PRRC2C: variants seen among roughly 807,000 people sequenced by gnomAD.
PRRC2C encodes the protein protein PRRC2C.
In PRRC2C, 72 loss-of-function variants were observed where a neutral mutation model predicts 317.2. That is an observed-to-expected ratio of 0.23 (90% CI 0.19 to 0.28). The LOEUF is 0.28. Among genes scored for constraint, PRRC2C ranks in the 10% least tolerant of loss-of-function variants. PRRC2C has a pLI of 1.00. For missense variants in PRRC2C, 3,074 were observed against 3,459.7 expected (o/e 0.89, Z 2.80); for synonymous variants, 1,296 against 1,205.9 (o/e 1.07, Z -1.55).
At position 171,557,549 on chromosome 1, in the gene PRRC2C, G is replaced by T. The variant is rs1681697443; in HGVS notation, c.5437G>T (p.Ala1813Ser). The T allele has an allele frequency of 6.4e-7, 1 of 1,551,400 alleles. No individual in the cohort carries two copies. Among genetic ancestry groups the T allele is most frequent in the South Asian group, 1.2e-5 (1 of 84,042 alleles). Reference protein sequence around the residue: ...VPASPLAPVSASASVSASVPA... With the variant: ...VPASPLAPVSSSASVSASVPA... ...AGCCTCACCCTTAGCTCCAGTTTCAGCCTCAGCCTCAGTCTCAGCTTCAGT... is the reference window on the plus strand; with the variant it reads ...AGCCTCACCCTTAGCTCCAGTTTCATCCTCAGCCTCAGTCTCAGCTTCAGT... The change falls in exon 19 of 35, where the codon GCC becomes TCC. Residue 1813 changes from alanine to serine, a missense_variant. Coordinates refer to ENST00000647382, the MANE Select transcript of PRRC2C (RefSeq NM_001387844.1).
At chr1:171,515,371 A>G (rs1267312423) in intron 4 of PRRC2C, among the ~76,000 whole-genome samples, 2 of 152,224 alleles carry the variant, frequency 1.3e-5, no homozygotes, top group Non-Finnish European at 2.9e-5. Context: ...TTCATCAAAC[A>G]CTATTTCAGT....
At chr1:171,568,391 T>C in intron 23 of PRRC2C, 52 bp downstream of exon 23, 10 of 1,550,922 alleles carry the variant, frequency 6.4e-6, no homozygotes, top group Non-Finnish European at 8.7e-6. Flanking sequence ...CTGGCTATTA[T>C]TATCAAGCAC....
In PRRC2C at chr1:171,512,097, G is replaced by C. The variant is rs1671483525; in HGVS notation, c.9G>C (p.Glu3Asp). The part of the protein sequence containing the change: MS[E>D]KSGQSTKAKD... Reference sequence around the variant, plus strand: ...GATGAGTTTCCACCGAAATGTCGGAGAAGTCAGGCCAGAGCACAAAAGCAA... The same window carrying C: ...GATGAGTTTCCACCGAAATGTCGGACAAGTCAGGCCAGAGCACAAAAGCAA... The change falls in exon 2 of 35, where the codon GAG (glutamate) becomes GAC (aspartate). Residue 3 changes from glutamate to aspartate, a missense_variant. Around this residue, in one of 11 missense-constraint regions of PRRC2C, gnomAD observed 71 missense variants for 118.9 expected, o/e 0.60. Transcript: ENST00000647382. The C allele has an allele frequency of 6.4e-7, 1 of 1,564,594 alleles. No individual in the cohort carries two copies. Among genetic ancestry groups the C allele is most frequent in the African/African-American group, 1.4e-5 (1 of 73,704 alleles).
At chr1:171,529,706 G>A (rs1019786637) in intron 11 of PRRC2C, among the ~76,000 whole-genome samples, 10 of 152,236 alleles carry the variant, frequency 6.6e-5, no homozygotes, top group Non-Finnish European at 1.2e-4. Flanking sequence ...TGTAGTAGTT[G>A]TTGTCTTTTT....
At chr1:171,539,157 A>G (rs1488125845) in intron 15 of PRRC2C, among the ~76,000 whole-genome samples, 1 of 151,948 alleles carries the variant, frequency 6.6e-6, no homozygotes, top group Non-Finnish European at 1.5e-5. Context: ...ATGTGCCACC[A>G]CGCCCAGCTG....
intron 6 of PRRC2C, among the ~76,000 whole-genome samples, chr1:171,520,388 T>A (rs1282274572): frequency 6.6e-6 from 1 of 152,184 alleles, no homozygotes; most frequent in Non-Finnish European, 1.5e-5. Context: ...AACTTTCATG[T>A]GAGAGGGTAG....
Position 171,557,430 on chromosome 1 carries a change from C to CA in PRRC2C, c.5318_5319insA (p.Ala1774GlyfsTer188). The CA allele has an allele frequency of 2.6e-6, 4 of 1,547,038 alleles. No homozygotes were observed. Among genetic ancestry groups the CA allele is most frequent in the South Asian group, 1.2e-5 (1 of 83,764 alleles). On this transcript the variant is annotated frameshift_variant, in exon 19 of 35. Coordinates refer to ENST00000647382, the MANE Select transcript of PRRC2C (RefSeq NM_001387844.1). LOFTEE classifies it high-confidence loss of function. ...CCAGCCTCAACCTCAGCTCCACTTC[C>CA]GGCAACCTTAACTCCAGTTCCAGCC... is the stretch of plus-strand genomic sequence containing the variant.
At chr1:171,493,234 G>GGT (rs1207143124) in intron 1 of PRRC2C, among the ~76,000 whole-genome samples, 4 of 152,226 alleles carry the variant, frequency 2.6e-5, no homozygotes, top group African/African-American at 7.2e-5. Flanking sequence ...GCAACCCTTT[G>GGT]GTCCTCCAAA....
At chr1:171,500,982 T>C (rs1306925675) in intron 1 of PRRC2C, among the ~76,000 whole-genome samples, 1 of 152,238 alleles carries the variant, frequency 6.6e-6, no homozygotes, top group Non-Finnish European at 1.5e-5. Context: ...CACTGCAGCC[T>C]CGACTTCCTG....
intron 28 of PRRC2C, 91 bp from the exon 29 acceptor site, chr1:171,583,857 CATGACTGT>C (rs1649261511): frequency 1.1e-6 from 1 of 951,478 alleles, no homozygotes; most frequent in African/African-American, 1.6e-5. Context: ...TCATGCAGCA[CATGACTGT>C]ATTGGGTCAT....
intron 17 of PRRC2C, among the ~76,000 whole-genome samples, chr1:171,547,205 A>T (rs1354331283): frequency 6.6e-6 from 1 of 152,240 alleles, no homozygotes; most frequent in East Asian, 1.9e-4. Context: ...CATTAAAGTT[A>T]TCTTTAAGAG....
intron 9 of PRRC2C, among the ~76,000 whole-genome samples, chr1:171,523,755 G>T (rs1271985037): frequency 2.0e-5 from 3 of 152,134 alleles, no homozygotes; most frequent in Non-Finnish European, 4.4e-5. Flanking sequence ...AACATTTAGG[G>T]CTGGGTGCGG....
intron 6 of PRRC2C, among the ~76,000 whole-genome samples, chr1:171,519,823 T>C (rs1673208233): frequency 6.6e-6 from 1 of 152,230 alleles, no homozygotes; most frequent in African/African-American, 2.4e-5. Flanking sequence ...TTTAAAAATA[T>C]GGAATGCTTC....
intron 28 of PRRC2C, among the ~76,000 whole-genome samples, chr1:171,582,605 C>G (rs1338905468): frequency 1.3e-5 from 2 of 152,098 alleles, no homozygotes; most frequent in Non-Finnish European, 2.9e-5. Context: ...GTACTTAATA[C>G]TGTAGGCAGT....
intron 30 of PRRC2C, among the ~76,000 whole-genome samples, chr1:171,585,431 G>T (rs1649652520): frequency 1.0e-5 from 1 of 97,440 alleles, no homozygotes; most frequent in Non-Finnish European, 2.2e-5. Flanking sequence ...CTTTAAAAGT[G>T]GTGGAGGGCT....
intron 17 of PRRC2C, among the ~76,000 whole-genome samples, chr1:171,547,799 A>G (rs1319413224): frequency 6.6e-6 from 1 of 151,872 alleles, no homozygotes; most frequent in African/African-American, 2.4e-5. Flanking sequence ...ACATGCCACC[A>G]TGCCCAGCTA....
chr1:171,537,169 A>G (rs755528696), intron 14 of PRRC2C, 94 bp from the exon 15 acceptor site: 39 of 949,700 alleles, frequency 4.1e-5, no homozygotes, highest in Non-Finnish European at 5.8e-5. Flanking sequence ...AATTCCACCT[A>G]ACAATTAATA....
intron 19 of PRRC2C, among the ~76,000 whole-genome samples, chr1:171,559,023 G>A (rs1281233341): frequency 1.3e-5 from 2 of 152,212 alleles, no homozygotes; most frequent in African/African-American, 4.8e-5. Flanking sequence ...CTAATCCAAA[G>A]CAAGTGTTCT....
At chr1:171,586,543 G>GTTATTT (rs1190387100) in intron 30 of PRRC2C, among the ~76,000 whole-genome samples, 1 of 132,198 alleles carries the variant, frequency 7.6e-6, no homozygotes, top group African/African-American at 2.9e-5. Context: ...TGTGTTCTAT[G>GTTATTT]TATTTTATTT....
Sources: allele counts gnomAD v4.1 joint callset (sites outside exome capture counted in the v4.1 genomes callset), GRCh38; gene constraint gnomAD v4.1.1; regional missense constraint gnomAD v4.1.1; transcripts MANE v1.5; gene names NCBI Gene and HGNC (gene_info 2026-07-23, HGNC 2026-07-21).